Variants in XIAP observed in about 807,000 individuals in gnomAD.
XIAP encodes the protein E3 ubiquitin-protein ligase XIAP.
In XIAP, 3 loss-of-function variants were observed where a neutral mutation model predicts 33.1. The ratio of observed to expected loss-of-function variants is 0.09; its 90% confidence interval spans 0.04 to 0.23. XIAP has a LOEUF of 0.23. Among genes scored for constraint, XIAP ranks in the 10% least tolerant of loss-of-function variants. The pLI is 1.00. For missense variants in XIAP, 264 were observed against 363.0 expected (o/e 0.73, Z 2.22); for synonymous variants, 98 against 121.3 (o/e 0.81, Z 1.26).
In XIAP at chrX:123,899,221, T is replaced by TTG. The variant is rs766979158; in HGVS notation, c.1100-1270_1100-1269dup. ...TATGATTGTGTATATATATATGATT[T>TTG]TGTATATATATATGATTTTGTATAT... On this transcript the variant is annotated intron_variant, in intron 5 of 6. Transcript: ENST00000371199. 3.8e-4 allele frequency among the ~76,000 whole-genome samples: 17 copies of TTG among 44,468 alleles called. No individual in the cohort carries two copies. In the South Asian group the frequency reaches 4.8e-3, roughly 13 times the overall value. The allele number at this position is 44,468 out of a possible 115,157, so 38.6% of individuals were successfully genotyped here.
At chrX:123,888,019 TAAA>T (rs2053369419) in intron 2 of XIAP, among the ~76,000 whole-genome samples, 1 of 106,193 alleles carries the variant, frequency 9.4e-6, no homozygotes, top group African/African-American at 3.4e-5. Flanking sequence ...AATAAATAAA[TAAA>T]TAAATAAATA....
chrX:123,861,387 T>C (rs2019580257), intron 1 of XIAP, among the ~76,000 whole-genome samples: 1 of 111,755 alleles, frequency 8.9e-6, no homozygotes, highest in African/African-American at 3.3e-5. Context: ...ACTTTCTATG[T>C]ATTTCAATGT....
At chrX:123,863,552 C>G (rs914733454) in intron 1 of XIAP, among the ~76,000 whole-genome samples, 1 of 111,504 alleles carries the variant, frequency 9.0e-6, no homozygotes. Flanking sequence ...TCTTGTTGCC[C>G]AGGCTGGAGT....
chrX:123,896,608 TCTTG>T (rs931852147), intron 5 of XIAP, among the ~76,000 whole-genome samples: 2 of 103,967 alleles, frequency 1.9e-5, no homozygotes, highest in African/African-American at 7.1e-5. Context: ...CAAGACGGAG[TCTTG>T]CTCTGTTGCC....
Position 123,912,141 on chromosome X carries a change from G to T in XIAP, c.*4960G>T, listed in dbSNP as rs1359822923. The T allele has an allele frequency of 3.1e-6, 1 of 322,106 alleles. No individual in the cohort carries two copies. The highest frequency in any genetic ancestry group is 3.2e-5 in the Admixed American group (1 of 31,017). The allele number at this position is 322,106 out of a possible 1,213,427, so 26.5% of individuals were successfully genotyped here. A position where few individuals can be genotyped will look rare whatever the true frequency, so the allele number is the denominator to read the frequency against. On this transcript the variant is annotated 3_prime_UTR_variant, in exon 7 of 7. Coordinates refer to ENST00000371199, the MANE Select transcript of XIAP (RefSeq NM_001167.4). ...CTAATATAATAGGACAATCATCAAT[G>T]CATATATAGCCAGCCCTTCATATCT...
At chrX:123,862,712 G>T (rs778716229) in intron 1 of XIAP, among the ~76,000 whole-genome samples, 1 of 108,924 alleles carries the variant, frequency 9.2e-6, no homozygotes, top group African/African-American at 3.3e-5. Flanking sequence ...AAAACTAGCC[G>T]GGTGTGGTGG....
chrX:123,898,518 A>G (rs1328118590), intron 5 of XIAP, among the ~76,000 whole-genome samples: 2 of 107,078 alleles, frequency 1.9e-5, no homozygotes, highest in Admixed American at 1.0e-4. Context: ...GCCCACCACT[A>G]TGCCCGGGTA....
At chrX:123,870,651 T>C (rs903268972) in intron 1 of XIAP, among the ~76,000 whole-genome samples, 1 of 111,244 alleles carries the variant, frequency 9.0e-6, no homozygotes, top group African/African-American at 3.3e-5. Context: ...TAGCTGAGTG[T>C]GCTGTCGCCT....
chrX:123,871,654 G>GT (rs1254821380), intron 1 of XIAP, among the ~76,000 whole-genome samples: 7 of 109,218 alleles, frequency 6.4e-5, no homozygotes, highest in South Asian at 3.9e-4. Flanking sequence ...GTTTTTTGGG[G>GT]TTTTTTTTGT....
At position 123,908,081 on chromosome X, in the gene XIAP, A is replaced by G. The variant is rs1456064531; in HGVS notation, c.*900A>G. On this transcript the variant is annotated 3_prime_UTR_variant, in exon 7 of 7. Coordinates refer to ENST00000371199, the MANE Select transcript of XIAP (RefSeq NM_001167.4). Reference sequence around the variant, plus strand: ...TATTACTTTTGTAATCAGAATTTTTAGAAAGTATTTTGCTGATTTAAAGGC... The same window carrying G: ...TATTACTTTTGTAATCAGAATTTTTGGAAAGTATTTTGCTGATTTAAAGGC... 1 of 365,952 alleles carries G rather than the reference A, an allele frequency of 2.7e-6. No individual in the cohort carries two copies. Among genetic ancestry groups the G allele is most frequent in the Non-Finnish European group, 5.2e-6 (1 of 193,164 alleles). 30.2% of individuals were successfully genotyped at this position (365,952 alleles called of 1,213,427 possible).
chrX:123,874,238 A>G (rs2053221487), intron 1 of XIAP, among the ~76,000 whole-genome samples: 1 of 111,824 alleles, frequency 8.9e-6, no homozygotes, highest in Non-Finnish European at 1.9e-5. Flanking sequence ...TCAAGAGTCC[A>G]CCTGCTTATT....
chrX:123,885,784 C>A lies in XIAP; in HGVS notation c.122C>A (p.Pro41His). 1.7e-6 allele frequency: 2 copies of A among 1,211,619 alleles called. No homozygotes were observed. Among genetic ancestry groups the A allele is most frequent in the Non-Finnish European group, 2.2e-6 (2 of 895,476 alleles). Residue 41 changes from proline to histidine, a missense_variant, in exon 2 of 7, where the codon CCT (proline) becomes CAT (histidine). Coordinates refer to ENST00000371199, the MANE Select transcript of XIAP (RefSeq NM_001167.4). ...KTFANFPSGS[P>H]VSASTLARAG... ...TTTGCTAATTTTCCAAGTGGTAGTC[C>A]TGTTTCAGCATCAACACTGGCACGA...
upstream of XIAP, chrX:123,859,846 GGGACCTTGGCGGCGCCC>G (rs2053061550): frequency 4.0e-6 from 1 of 251,839 alleles, no homozygotes; most frequent in Admixed American, 5.2e-5. Flanking sequence ...GGGAGGTGGC[GGGACCTTGGCGGCGCCC>G]GGAGCCGGCG....
chrX:123,868,452 A>T (rs748240962), intron 1 of XIAP, among the ~76,000 whole-genome samples: 2 of 111,899 alleles, frequency 1.8e-5, no homozygotes, highest in Non-Finnish European at 3.8e-5. Context: ...ATCCCAGGCC[A>T]GGCATGGTGG....
Position 123,907,293 on chromosome X carries a change from A to G in XIAP, c.*112A>G. 2.8e-6 allele frequency: 2 copies of G among 710,770 alleles called. No homozygotes were observed. The highest frequency in any genetic ancestry group is 2.3e-5 in the South Asian group (1 of 42,897). 58.6% of individuals were successfully genotyped at this position (710,770 alleles called of 1,213,427 possible). ...ATTCCATTAGCATTTGCTACCAAGT[A>G]GGAAAAAAAATGTACATGGCAGTGT... On this transcript the variant is annotated 3_prime_UTR_variant, in exon 7 of 7. Transcript: ENST00000371199.
chrX:123,904,227 G>A (rs975653889), intron 6 of XIAP, among the ~76,000 whole-genome samples: 1 of 110,763 alleles, frequency 9.0e-6, no homozygotes, highest in Non-Finnish European at 1.9e-5. Context: ...GTGAGCCACC[G>A]CGCCCAGCCT....
chrX:123,860,426 AT>A, intron 1 of XIAP, 133 bp downstream of exon 1: 1 of 276,835 alleles, frequency 3.6e-6, no homozygotes, highest in Non-Finnish European at 7.0e-6. Flanking sequence ...GCGCCAGCCC[AT>A]CAGGGGTGGC....
intron 1 of XIAP, among the ~76,000 whole-genome samples, chrX:123,861,620 A>G (rs948529821): frequency 8.9e-6 from 1 of 112,362 alleles, no homozygotes; most frequent in African/African-American, 3.2e-5. Flanking sequence ...GATCTAATGT[A>G]CGGTTTGAAT....
intron 6 of XIAP, among the ~76,000 whole-genome samples, chrX:123,903,626 T>G (rs1228203875): frequency 3.4e-4 from 23 of 67,686 alleles, no homozygotes; most frequent in African/African-American, 7.5e-4. Context: ...TCAGTTTTTT[T>G]TTTTGTTTTG....
Sources: allele counts gnomAD v4.1 joint callset (sites outside exome capture counted in the v4.1 genomes callset), GRCh38; gene constraint gnomAD v4.1.1; transcripts MANE v1.5; gene names NCBI Gene and HGNC (gene_info 2026-07-23, HGNC 2026-07-21).